JCAD: variants seen among roughly 807,000 people sequenced by gnomAD.
JCAD encodes junctional cadherin 5-associated protein.
JCAD carries 40 observed loss-of-function variants against 98.0 expected under a neutral mutation model. The observed-to-expected ratio is 0.41, with a 90% CI of 0.32 to 0.53. The LOEUF is 0.53. JCAD is among the 20% of genes least tolerant of loss of function. The pLI is 0.31. For synonymous variants in JCAD, 691 were observed against 682.3 expected (o/e 1.01, Z -0.20); for missense variants, 1,705 against 1,738.1 (o/e 0.98, Z 0.34).
chr10:30,110,212 A>G (rs536942858), intron 1 of JCAD, among the ~76,000 whole-genome samples: 2 of 149,796 alleles, frequency 1.3e-5, no homozygotes, highest in South Asian at 4.3e-4. Context: ...TGGACCATTG[A>G]TGTATGGTCC....
chr10:30,017,825 T>C lies in JCAD; in HGVS notation c.*58A>G. 1 of 1,507,736 alleles carries C rather than the reference T, an allele frequency of 6.6e-7. No individual in the cohort carries two copies. The highest frequency in any genetic ancestry group is 9.2e-7 in the Non-Finnish European group (1 of 1,082,672). 93.4% of individuals were successfully genotyped at this position (1,507,736 alleles called of 1,614,324 possible). A position where few individuals can be genotyped will look rare whatever the true frequency, so the allele number is the denominator to read the frequency against. ...GGAAGTGGGGCTGATAGACTAAATC[T>C]ACCAGCTACTTGAGAATACTCAATT... On this transcript the variant is annotated 3_prime_UTR_variant, in exon 4 of 4. Coordinates refer to ENST00000375377, the MANE Select transcript of JCAD (RefSeq NM_020848.4).
At chr10:30,032,303 A>C (rs1444195941) in intron 2 of JCAD, among the ~76,000 whole-genome samples, 1 of 152,192 alleles carries the variant, frequency 6.6e-6, no homozygotes, top group African/African-American at 2.4e-5. Context: ...TTTGGATTTA[A>C]TTGGTCTAAT....
chr10:30,027,846 A>G lies in JCAD; in HGVS notation c.2302T>C (p.Ser768Pro). ...PSSNSAFSRT[S>P]LSVDQAPTPK... is the part of the protein sequence containing the mutation. ...GTCGGTGCCTGGTCCACGGACAAGG[A>G]AGTCCTTGAGAACGCACTGTTGCTG... The change falls in exon 3 of 4, where the codon TCC becomes CCC. Residue 768 changes from serine to proline, a missense_variant. Around this residue, in one of 3 missense-constraint regions of JCAD, gnomAD observed 1,278 missense variants for 1,243.1 expected, o/e 1.03. Coordinates refer to ENST00000375377, the MANE Select transcript of JCAD (RefSeq NM_020848.4). 6.2e-7 allele frequency: 1 copy of G among 1,614,236 alleles called. No individual in the cohort carries two copies. The highest frequency in any genetic ancestry group is 8.5e-7 in the Non-Finnish European group (1 of 1,180,028).
chr10:30,064,155 A>G (rs1805941230), upstream of JCAD, among the ~76,000 whole-genome samples: 1 of 152,140 alleles, frequency 6.6e-6, no homozygotes, highest in East Asian at 1.9e-4. Context: ...TTCTGCCCTC[A>G]TGAATGGATT....
chr10:30,076,418 T>G (rs1485511294), intron 1 of JCAD, among the ~76,000 whole-genome samples: 2 of 152,216 alleles, frequency 1.3e-5, no homozygotes, highest in Non-Finnish European at 2.9e-5. Flanking sequence ...ATAGTTACAA[T>G]GTACAGGTGT....
chr10:30,043,968 C>T (rs756828808), intron 2 of JCAD, among the ~76,000 whole-genome samples: 26 of 152,208 alleles, frequency 1.7e-4, no homozygotes, highest in Non-Finnish European at 2.1e-4. Flanking sequence ...GCCATTGTAA[C>T]AGTATTAAGA....
chr10:30,057,192 C>T (rs1047999160), intron 1 of JCAD, among the ~76,000 whole-genome samples: 3 of 152,150 alleles, frequency 2.0e-5, no homozygotes, highest in African/African-American at 4.8e-5. Flanking sequence ...CATGGAGTTT[C>T]GCCAAGCTCA....
rs370040299 is a variant in JCAD, at chr10:30,026,291, T to C, written c.3857A>G (p.Glu1286Gly). The C allele has an allele frequency of 6.2e-7, 1 of 1,613,940 alleles. No homozygotes were observed. The change falls in exon 3 of 4, where the codon GAG (glutamate) becomes GGG (glycine). Residue 1286 changes from glutamate to glycine, a missense_variant. Coordinates refer to ENST00000375377, the MANE Select transcript of JCAD (RefSeq NM_020848.4). ...FRNADSQEDA[E>G]ELKATTRGQA... ...GCCCCTTGTGGTGGCCTTCAATTCC[T>C]CGGCGTCCTCCTGGGAGTCGGCATT...
At chr10:30,067,510 T>C (rs1299168037) in intron 2 of JCAD, among the ~76,000 whole-genome samples, 5 of 152,174 alleles carry the variant, frequency 3.3e-5, no homozygotes, top group African/African-American at 1.2e-4. Context: ...GTATTTTTAG[T>C]AGAGACAGGG....
At chr10:30,113,139 A>T (rs907881885) in intron 1 of JCAD, among the ~76,000 whole-genome samples, 1 of 152,178 alleles carries the variant, frequency 6.6e-6, no homozygotes, top group Non-Finnish European at 1.5e-5. Flanking sequence ...AGGAGAGTCA[A>T]TGAAGGTGGT....
At chr10:30,054,278 T>C (rs1437541972) in intron 1 of JCAD, among the ~76,000 whole-genome samples, 2 of 152,178 alleles carry the variant, frequency 1.3e-5, no homozygotes, top group South Asian at 2.1e-4. Flanking sequence ...CATACCAAAA[T>C]GTCAGCAGAG....
At chr10:30,110,243 G>T (rs1298368926) in intron 1 of JCAD, among the ~76,000 whole-genome samples, 2 of 151,648 alleles carry the variant, frequency 1.3e-5, no homozygotes, top group East Asian at 3.9e-4. Context: ...TGAACCTCCT[G>T]ATGTATGGAC....
chr10:30,066,529 T>C (rs751971700), intron 2 of JCAD, among the ~76,000 whole-genome samples: 21 of 151,996 alleles, frequency 1.4e-4, no homozygotes, highest in Non-Finnish European at 2.8e-4. Flanking sequence ...GGTGGTGCCC[T>C]CCAGGGAATG....
chr10:30,107,792 G>A (rs1481416908), intron 1 of JCAD, among the ~76,000 whole-genome samples: 21 of 151,960 alleles, frequency 1.4e-4, no homozygotes, highest in Admixed American at 1.2e-3. Context: ...GAATGAAATC[G>A]GAAAACACAT....
intron 1 of JCAD, among the ~76,000 whole-genome samples, chr10:30,085,671 C>T (rs1462075874): frequency 6.6e-6 from 1 of 152,070 alleles, no homozygotes; most frequent in Non-Finnish European, 1.5e-5. Flanking sequence ...TAGGGGTGGG[C>T]AGTGGAGATG....
chr10:30,074,212 C>G (rs1837942211), intron 1 of JCAD, among the ~76,000 whole-genome samples: 1 of 152,090 alleles, frequency 6.6e-6, no homozygotes, highest in Admixed American at 6.6e-5. Flanking sequence ...ACACATTGTA[C>G]CTGTGGCTAA....
chr10:30,047,894 A>G (rs1837386861), intron 1 of JCAD, 23 bp from the exon 2 acceptor site: 34 of 1,445,184 alleles, frequency 2.4e-5, no homozygotes, highest in Non-Finnish European at 3.0e-5. Context: ...AGAGAGCTCT[A>G]TTTGTGACTA....
At chr10:30,034,169 G>T (rs1205298711) in intron 2 of JCAD, among the ~76,000 whole-genome samples, 2 of 151,966 alleles carry the variant, frequency 1.3e-5, no homozygotes, top group Non-Finnish European at 2.9e-5. Flanking sequence ...GTTGCAGTGA[G>T]CTGAGACCAT....
intron 1 of JCAD, among the ~76,000 whole-genome samples, chr10:30,109,219 C>T (rs1397190210): frequency 1.3e-5 from 2 of 152,158 alleles, no homozygotes; most frequent in African/African-American, 4.8e-5. Context: ...CTTGATGGGA[C>T]AAAGAAGCCA....
Sources: allele counts gnomAD v4.1 joint callset (sites outside exome capture counted in the v4.1 genomes callset), GRCh38; gene constraint gnomAD v4.1.1; regional missense constraint gnomAD v4.1.1; transcripts MANE v1.5; gene names NCBI Gene and HGNC (gene_info 2026-07-23, HGNC 2026-07-21).